Variants in DLG2 observed in about 807,000 individuals in gnomAD.
DLG2 encodes disks large homolog 2.
DLG2 carries 45 observed loss-of-function variants against 132.5 expected under a neutral mutation model. The observed-to-expected ratio is 0.34, with a 90% CI of 0.27 to 0.44. DLG2 has a LOEUF of 0.44. Ranked by LOEUF, DLG2 falls within the 20% of genes least tolerant of loss-of-function variation. The pLI is 1.00. For synonymous variants in DLG2, 424 were observed against 419.6 expected (o/e 1.01, Z -0.13); for missense variants, 1,045 against 1,196.9 (o/e 0.87, Z 1.87).
In DLG2 at chr11:85,561,034, C is replaced by CA. The variant is rs749361073; in HGVS notation, c.40+37622dup. ...ATGGCAGAGTAACAACATCCTATGTCAAAAAAAAATAATAAAAATAAACAC... is the reference window on the plus strand; with the variant it reads ...ATGGCAGAGTAACAACATCCTATGTCAAAAAAAAAATAATAAAAATAAACAC... On this transcript the variant is annotated intron_variant, in intron 3 of 27. Coordinates refer to ENST00000376104, the MANE Select transcript of DLG2 (RefSeq NM_001142699.3). 7.8e-4 allele frequency among the ~76,000 whole-genome samples: 112 copies of CA among 144,354 alleles called. 1 individual carries two copies. Among genetic ancestry groups the CA allele is most frequent in the Admixed American group, 1.8e-3 (25 of 14,190 alleles). The allele number at this position is 144,354 out of a possible 152,430, so 94.7% of individuals were successfully genotyped here. A position where few individuals can be genotyped will look rare whatever the true frequency, so the allele number is the denominator to read the frequency against.
At chr11:85,399,301 A>G (rs1273708005) in intron 3 of DLG2, among the ~76,000 whole-genome samples, 2 of 152,188 alleles carry the variant, frequency 1.3e-5, no homozygotes, top group Non-Finnish European at 2.9e-5. Flanking sequence ...AAACGAAAGA[A>G]CATTCCATGC....
chr11:85,485,332 C>T (rs1420189332), intron 3 of DLG2, among the ~76,000 whole-genome samples: 1 of 151,874 alleles, frequency 6.6e-6, no homozygotes, highest in Non-Finnish European at 1.5e-5. Flanking sequence ...TGCACATGTA[C>T]CCTAAAACTT....
At chr11:84,952,887 A>G (rs572654991) in intron 6 of DLG2, among the ~76,000 whole-genome samples, 5 of 152,310 alleles carry the variant, frequency 3.3e-5, no homozygotes, top group African/African-American at 7.2e-5. Context: ...ACTTAAAGTC[A>G]CTAGTCTCCA....
chr11:84,393,620 A>G (rs1415379665), intron 7 of DLG2, among the ~76,000 whole-genome samples: 1 of 152,174 alleles, frequency 6.6e-6, no homozygotes, highest in Non-Finnish European at 1.5e-5. Flanking sequence ...AATGTTTAAT[A>G]CAGGAAGCTA....
chr11:84,245,681 C>T (rs1026631799), intron 8 of DLG2, among the ~76,000 whole-genome samples: 2 of 152,152 alleles, frequency 1.3e-5, no homozygotes, highest in African/African-American at 4.8e-5. Flanking sequence ...TGCCCTTAGA[C>T]AACATACAAT....
At chr11:84,797,628 C>T (rs1163257602) in intron 6 of DLG2, among the ~76,000 whole-genome samples, 3 of 152,094 alleles carry the variant, frequency 2.0e-5, no homozygotes, top group Non-Finnish European at 4.4e-5. Context: ...AATTCCTTCT[C>T]CGTATTTTCT....
chr11:84,501,556 G>A (rs1347243181), intron 7 of DLG2, among the ~76,000 whole-genome samples: 2 of 152,036 alleles, frequency 1.3e-5, no homozygotes, highest in Non-Finnish European at 2.9e-5. Flanking sequence ...ACAGAGCCGA[G>A]ACTCCGTCTA....
intron 17 of DLG2, among the ~76,000 whole-genome samples, chr11:83,792,278 T>G (rs2041786205): frequency 1.3e-5 from 2 of 152,214 alleles, no homozygotes; most frequent in Admixed American, 6.5e-5. Flanking sequence ...TTTTTTAATT[T>G]GCTATTGCAC....
chr11:84,398,991 T>A (rs971310107), intron 7 of DLG2, among the ~76,000 whole-genome samples: 1 of 152,208 alleles, frequency 6.6e-6, no homozygotes, highest in East Asian at 1.9e-4. Context: ...TAGCTTTATA[T>A]TTTCACTTTT....
chr11:83,813,068 C>T (rs749373054), intron 17 of DLG2, among the ~76,000 whole-genome samples: 1 of 152,064 alleles, frequency 6.6e-6, no homozygotes, highest in Admixed American at 6.6e-5. Flanking sequence ...GTCATTGGCT[C>T]CATTTTATAA....
intron 18 of DLG2, among the ~76,000 whole-genome samples, chr11:83,743,774 C>T (rs2092714508): frequency 1.3e-5 from 2 of 152,062 alleles, no homozygotes; most frequent in Non-Finnish European, 2.9e-5. Context: ...TCAGTTTTCT[C>T]ATCTATAAAT....
chr11:84,675,988 T>TA (rs2153699565), intron 6 of DLG2, among the ~76,000 whole-genome samples: 1 of 151,838 alleles, frequency 6.6e-6, no homozygotes, highest in African/African-American at 2.4e-5. Context: ...CCAGATAGAG[T>TA]AATAGCTACA....
intron 7 of DLG2, among the ~76,000 whole-genome samples, chr11:84,313,534 A>G (rs947633078): frequency 8.8e-6 from 1 of 113,852 alleles, no homozygotes; most frequent in Non-Finnish European, 1.9e-5. Flanking sequence ...GAGAGGAAGA[A>G]AGGAAGGAAG....
At chr11:85,177,498 C>A (rs1299424356) in intron 4 of DLG2, among the ~76,000 whole-genome samples, 1 of 151,958 alleles carries the variant, frequency 6.6e-6, no homozygotes, top group African/African-American at 2.4e-5. Context: ...TGCAGGGGAA[C>A]AACACACACT....
intron 7 of DLG2, among the ~76,000 whole-genome samples, chr11:84,370,240 TA>T (rs957003115): frequency 2.0e-5 from 3 of 152,156 alleles, no homozygotes; most frequent in African/African-American, 2.4e-5. Flanking sequence ...AAAAGTGGTA[TA>T]GGGGGAAGTT....
chr11:85,063,664 C>T (rs1276092385), intron 6 of DLG2, among the ~76,000 whole-genome samples: 1 of 151,784 alleles, frequency 6.6e-6, no homozygotes, highest in African/African-American at 2.4e-5. Flanking sequence ...CTCTAACTTG[C>T]GTGCAGCTAA....
chr11:84,879,449 T>C (rs758136717), intron 6 of DLG2, among the ~76,000 whole-genome samples: 7 of 152,150 alleles, frequency 4.6e-5, no homozygotes, highest in Non-Finnish European at 1.0e-4. Flanking sequence ...TTTAAGCTTA[T>C]GTATTCAGGA....
intron 7 of DLG2, among the ~76,000 whole-genome samples, chr11:84,533,089 C>T (rs928556956): frequency 3.3e-5 from 5 of 152,186 alleles, no homozygotes; most frequent in Admixed American, 6.5e-5. Flanking sequence ...TCTGACGAGT[C>T]ATTATCCATT....
chr11:84,524,152 AC>A (rs1405663055), intron 7 of DLG2, among the ~76,000 whole-genome samples: 2 of 152,240 alleles, frequency 1.3e-5, no homozygotes, highest in Non-Finnish European at 2.9e-5. Flanking sequence ...AAGAAAGTTT[AC>A]GAATCTGTGC....
Sources: allele counts gnomAD v4.1 joint callset (sites outside exome capture counted in the v4.1 genomes callset), GRCh38; gene constraint gnomAD v4.1.1; transcripts MANE v1.5; gene names NCBI Gene and HGNC (gene_info 2026-07-23, HGNC 2026-07-21).